Variants in EIF2AK4 observed in about 807,000 individuals in gnomAD.
EIF2AK4 encodes eIF-2-alpha kinase GCN2.
Under a neutral mutation model 211.1 loss-of-function variants are expected in EIF2AK4, and 139 were observed. The observed-to-expected ratio is 0.66, with a 90% CI of 0.57 to 0.76. EIF2AK4 has a LOEUF of 0.76. EIF2AK4 is among the 30% of genes least tolerant of loss of function. The probability of loss-of-function intolerance (pLI) is 0.00; values close to 1 mark genes in which losing one functional copy is unlikely to be tolerated. For synonymous variants in EIF2AK4, 710 were observed against 751.3 expected (o/e 0.94, Z 0.90); for missense variants, 1,664 against 2,043.8 (o/e 0.81, Z 3.58).
chr15:39,990,162 G>T, intron 15 of EIF2AK4, 111 bp from the exon 16 acceptor site: 2 of 994,048 alleles, frequency 2.0e-6, no homozygotes, highest in East Asian at 4.8e-5. Flanking sequence ...GGTGGTCTGT[G>T]GGAGAAGACC....
At chr15:39,954,132 C>T in intron 5 of EIF2AK4, 148 bp downstream of exon 5, 1 of 698,750 alleles carries the variant, frequency 1.4e-6, no homozygotes, top group African/African-American at 1.8e-5. Context: ...TTCAGACTCC[C>T]TAAATAGGTG....
chr15:39,997,066 G>A lies in EIF2AK4; in HGVS notation c.2868+1G>A. Reference sequence around the variant, plus strand: ...CTTTGTTCTCAACCAACTCAGAGATGTATGTATCAGGTGTTTTAGTGCCTA... The same window carrying A: ...CTTTGTTCTCAACCAACTCAGAGATATATGTATCAGGTGTTTTAGTGCCTA... On this transcript the variant is annotated splice_donor_variant, in intron 19 of 38. Coordinates refer to ENST00000263791, the MANE Select transcript of EIF2AK4 (RefSeq NM_001013703.4). LOFTEE classifies it high-confidence loss of function. 1.2e-6 allele frequency: 2 copies of A among 1,605,664 alleles called. No individual in the cohort carries two copies. Among genetic ancestry groups the A allele is most frequent in the Non-Finnish European group, 1.7e-6 (2 of 1,172,440 alleles).
intron 1 of EIF2AK4, among the ~76,000 whole-genome samples, chr15:39,939,219 C>T (rs2034110002): frequency 6.6e-6 from 1 of 152,168 alleles, no homozygotes; most frequent in African/African-American, 2.4e-5. Flanking sequence ...TCCCAGCTTC[C>T]AGGAGAGCAC....
intron 4 of EIF2AK4, among the ~76,000 whole-genome samples, chr15:39,952,894 C>T (rs1022289095): frequency 3.9e-5 from 6 of 152,124 alleles, no homozygotes; most frequent in Admixed American, 2.6e-4. Context: ...GTTGCCCAGA[C>T]TGGAGTACAG....
chr15:40,020,874 T>C, intron 30 of EIF2AK4, 25 bp from the exon 31 acceptor site: 1 of 1,597,040 alleles, frequency 6.3e-7, no homozygotes, highest in Admixed American at 1.7e-5. Flanking sequence ...CTCCTCTAAC[T>C]GTAACCGGTC....
In EIF2AK4 at chr15:39,985,884, T is replaced by C; in HGVS notation, c.2399T>C (p.Ile800Thr). The change falls in exon 14 of 39, where the codon ATC (isoleucine) becomes ACC (threonine). Residue 800 changes from isoleucine to threonine, a missense_variant. Ile to Thr is a moderately conservative substitution (Grantham distance 89, BLOSUM62 -1). Coordinates refer to ENST00000263791, the MANE Select transcript of EIF2AK4 (RefSeq NM_001013703.4). ...ACTGAGGCTGTGCACTACCTATACA[T>C]CCAGGTGAGGTCGTGGTGTGTAGTT... is the stretch of plus-strand genomic sequence containing the variant. ...VTTEAVHYLY[I>T]QMEYCEKSTL... The C allele has an allele frequency of 6.2e-7, 1 of 1,613,708 alleles. No homozygotes were observed. The highest frequency in any genetic ancestry group is 8.5e-7 in the Non-Finnish European group (1 of 1,179,804).
chr15:40,012,662 C>CT lies in EIF2AK4; in HGVS notation c.3759+1329dup, dbSNP rs10583333. 9.3e-4 allele frequency among the ~76,000 whole-genome samples: 135 copies of CT among 144,892 alleles called. 1 individual carries two copies. In the Middle Eastern group the frequency reaches 0.011, roughly 12 times the overall value. On this transcript the variant is annotated intron_variant, in intron 27 of 38. Transcript: ENST00000263791. ...GGACTAAAGTCACATTTCAGAACATCTTTTTTTTTTTTTAAGAAAGTCTTA... is the reference window on the plus strand; with the variant it reads ...GGACTAAAGTCACATTTCAGAACATCTTTTTTTTTTTTTTAAGAAAGTCTTA...
chr15:40,034,241 C>A, intron 37 of EIF2AK4, 85 bp from the exon 38 acceptor site: 2 of 980,530 alleles, frequency 2.0e-6, no homozygotes, highest in Non-Finnish European at 3.2e-6. Context: ...AGGGAAATGA[C>A]ACTGGAATTT....
chr15:40,005,820 C>G (rs757769321), intron 23 of EIF2AK4, among the ~76,000 whole-genome samples: 1 of 152,104 alleles, frequency 6.6e-6, no homozygotes. Flanking sequence ...ATCCGCCCAC[C>G]TGGGCCTCCC....
intron 27 of EIF2AK4, among the ~76,000 whole-genome samples, chr15:40,015,986 G>A (rs2035298451): frequency 6.6e-6 from 1 of 152,210 alleles, no homozygotes; most frequent in Non-Finnish European, 1.5e-5. Flanking sequence ...CCAGGTGGGA[G>A]GAGAGGGAAG....
chr15:39,983,458 T>G, intron 13 of EIF2AK4, among the ~76,000 whole-genome samples: 1 of 152,210 alleles, frequency 6.6e-6, no homozygotes, highest in East Asian at 1.9e-4. Context: ...TTTTTTTTTT[T>G]TGAGACTGAG....
intron 1 of EIF2AK4, among the ~76,000 whole-genome samples, chr15:39,938,154 G>T (rs750784091): frequency 8.5e-5 from 13 of 152,074 alleles, no homozygotes; most frequent in Non-Finnish European, 1.8e-4. Context: ...TCCCCCACCA[G>T]ACTGAAGTTC....
At chr15:39,992,618 C>G in intron 17 of EIF2AK4, 151 bp from the exon 18 acceptor site, 2 of 653,250 alleles carry the variant, frequency 3.1e-6, no homozygotes, top group East Asian at 5.4e-5. Context: ...TATGGTTATT[C>G]ATTTGGTACA....
At chr15:39,990,181 T>C in intron 15 of EIF2AK4, 92 bp from the exon 16 acceptor site, 1 of 1,271,818 alleles carries the variant, frequency 7.9e-7, no homozygotes, top group Non-Finnish European at 1.1e-6. Flanking sequence ...CCTCATACGA[T>C]TTTCATCGCT....
At chr15:39,950,235 G>A (rs1042755583) in intron 4 of EIF2AK4, among the ~76,000 whole-genome samples, 18 of 152,118 alleles carry the variant, frequency 1.2e-4, no homozygotes, top group African/African-American at 4.3e-4. Context: ...CAGCAAACGT[G>A]CAAGAAGTGC....
chr15:40,029,055 G>T (rs1289057294), intron 33 of EIF2AK4, among the ~76,000 whole-genome samples: 1 of 152,154 alleles, frequency 6.6e-6, no homozygotes, highest in Non-Finnish European at 1.5e-5. Context: ...AGGTGGGGCT[G>T]CTGTTATTCA....
At chr15:39,980,230 C>T (rs1595406214) in intron 13 of EIF2AK4, among the ~76,000 whole-genome samples, 1 of 152,160 alleles carries the variant, frequency 6.6e-6, no homozygotes, top group African/African-American at 2.4e-5. Context: ...TACGCTTACC[C>T]TTTCTCTGAA....
In EIF2AK4 at chr15:40,016,855, G is replaced by A. The variant is rs997883130; in HGVS notation, c.3930+183G>A. 2.5e-4 allele frequency among the ~76,000 whole-genome samples: 38 copies of A among 152,220 alleles called. 1 individual carries two copies. The highest frequency in any genetic ancestry group is 5.9e-5 in the Non-Finnish European group (4 of 68,044). ...GGCTTAAATCAGGATTTCTTTGCAA[G>A]TGCCACTGTTCCTATCATGAAGCAG... On this transcript the variant is annotated intron_variant, in intron 28 of 38. Transcript: ENST00000263791.
In EIF2AK4 at chr15:39,948,994, A is replaced by G. The variant is rs2034267293; in HGVS notation, c.361-122A>G. 7 of 1,177,138 alleles carry G rather than the reference A, an allele frequency of 5.9e-6. No individual in the cohort carries two copies. In the African/African-American group the frequency reaches 9.2e-5, roughly 15 times the overall value. 72.9% of individuals were successfully genotyped at this position (1,177,138 alleles called of 1,614,324 possible). ...CGAATTCAGAGTATGTCATATCAAA[A>G]TGAATAATGGCATTCTAAGTGGGCC... On this transcript the variant is annotated intron_variant, in intron 3 of 38. Transcript: ENST00000263791.
Sources: allele counts gnomAD v4.1 joint callset (sites outside exome capture counted in the v4.1 genomes callset), GRCh38; gene constraint gnomAD v4.1.1; transcripts MANE v1.5; gene names NCBI Gene and HGNC (gene_info 2026-07-23, HGNC 2026-07-21).